BMERB1: variants seen among roughly 807,000 people sequenced by gnomAD.
BMERB1 encodes the protein bMERB domain-containing protein 1.
Under a neutral mutation model 23.6 loss-of-function variants are expected in BMERB1, and 12 were observed. The observed-to-expected ratio is 0.51, with a 90% CI of 0.33 to 0.82. BMERB1 has a LOEUF of 0.82. Ranked by LOEUF, BMERB1 falls within the 40% of genes least tolerant of loss-of-function variation. The pLI is 0.03. For missense variants in BMERB1, 247 were observed against 255.4 expected (o/e 0.97, Z 0.22); for synonymous variants, 122 against 96.6 (o/e 1.26, Z -1.54).
chr16:15,446,088 T>C (rs892572546), intron 1 of BMERB1, among the ~76,000 whole-genome samples: 1 of 152,092 alleles, frequency 6.6e-6, no homozygotes, highest in Admixed American at 6.6e-5. Context: ...ACTCTAACTC[T>C]ACAAAAATAA....
intron 2 of BMERB1, among the ~76,000 whole-genome samples, chr16:15,557,256 A>G (rs1201014820): frequency 2.6e-5 from 4 of 152,164 alleles, no homozygotes; most frequent in Non-Finnish European, 4.4e-5. Context: ...AGGTTCTTGA[A>G]GATAACATCT....
rs768889117 is a variant in BMERB1, at chr16:15,588,116, T to TA, written c.*1293dup. ...AGACCACTCTGATGTTTCGACGTTT[T>TA]AAAAAAGTCTTTTTTTGTGCATTTT... On this transcript the variant is annotated 3_prime_UTR_variant, in exon 6 of 6. Coordinates refer to ENST00000300006, the MANE Select transcript of BMERB1 (RefSeq NM_033201.3). 14 of 152,194 alleles carry TA rather than the reference T, an allele frequency of 9.2e-5. No individual in the cohort carries two copies. Among genetic ancestry groups the TA allele is most frequent in the South Asian group, 2.1e-4 (1 of 4,832 alleles). The allele number at this position is 152,194 out of a possible 1,614,324, so 9.4% of individuals were successfully genotyped here.
At chr16:15,487,801 G>A (rs546696440) in intron 1 of BMERB1, among the ~76,000 whole-genome samples, 37 of 152,332 alleles carry the variant, frequency 2.4e-4, no homozygotes, top group Admixed American at 1.4e-3. Flanking sequence ...TAAGGTAACT[G>A]ACATTGCCAT....
chr16:15,439,710 G>A (rs2050922571), intron 1 of BMERB1, among the ~76,000 whole-genome samples: 1 of 152,158 alleles, frequency 6.6e-6, no homozygotes, highest in African/African-American at 2.4e-5. Flanking sequence ...GCTGGAAAAT[G>A]TATAGTGACA....
intron 1 of BMERB1, among the ~76,000 whole-genome samples, chr16:15,435,230 C>T (rs914308579): frequency 6.6e-6 from 1 of 152,166 alleles, no homozygotes. Context: ...TTTCGGAGCG[C>T]ACCTGAAATT....
At chr16:15,451,677 G>A (rs1228884257) in intron 1 of BMERB1, among the ~76,000 whole-genome samples, 1 of 145,666 alleles carries the variant, frequency 6.9e-6, no homozygotes, top group Non-Finnish European at 1.5e-5. Flanking sequence ...TCCCACCTCA[G>A]TCTCCTGAGA....
chr16:15,568,356 G>A (rs1355115920), intron 3 of BMERB1, among the ~76,000 whole-genome samples: 1 of 152,146 alleles, frequency 6.6e-6, no homozygotes, highest in East Asian at 1.9e-4. Context: ...ATCCTAAAGA[G>A]GCTGGGCACG....
At chr16:15,464,414 G>A (rs536604398) in intron 1 of BMERB1, among the ~76,000 whole-genome samples, 9 of 151,918 alleles carry the variant, frequency 5.9e-5, no homozygotes, top group East Asian at 3.9e-4. Context: ...GTTGAGGCCA[G>A]GAGTTCAAGA....
intron 1 of BMERB1, among the ~76,000 whole-genome samples, chr16:15,484,505 G>A (rs953060650): frequency 6.6e-5 from 10 of 151,946 alleles, no homozygotes; most frequent in East Asian, 1.9e-4. Context: ...GGGTTCAAGC[G>A]ATTCTCCTGC....
chr16:15,520,304 C>G (rs112261628), intron 2 of BMERB1, among the ~76,000 whole-genome samples: 1 of 152,024 alleles, frequency 6.6e-6, no homozygotes, highest in African/African-American at 2.4e-5. Flanking sequence ...TTGCCTTACT[C>G]TTTTACAACG....
intron 1 of BMERB1, among the ~76,000 whole-genome samples, chr16:15,468,826 C>G (rs2051205606): frequency 6.6e-6 from 1 of 152,058 alleles, no homozygotes; most frequent in South Asian, 2.1e-4. Flanking sequence ...ACATTTTACA[C>G]TAAGTCTGTG....
chr16:15,519,087 A>ACACACACGCG (rs1555510668), intron 2 of BMERB1, among the ~76,000 whole-genome samples: 360 of 146,868 alleles, frequency 2.5e-3, no homozygotes, highest in African/African-American at 9.0e-3. Flanking sequence ...ACACACACAC[A>ACACACACGCG]CACACACACA....
chr16:15,495,703 T>A (rs562791126), intron 1 of BMERB1, among the ~76,000 whole-genome samples: 4 of 152,302 alleles, frequency 2.6e-5, no homozygotes, highest in African/African-American at 7.2e-5. Flanking sequence ...CTCATTTCTC[T>A]TCTCTAAGCC....
At chr16:15,546,338 G>A (rs752641986) in intron 2 of BMERB1, among the ~76,000 whole-genome samples, 8 of 152,142 alleles carry the variant, frequency 5.3e-5, no homozygotes, top group Admixed American at 1.3e-4. Flanking sequence ...CATAAACCCC[G>A]TCGTTCTAAG....
At chr16:15,567,358 A>G (rs2030599896) in intron 2 of BMERB1, among the ~76,000 whole-genome samples, 1 of 152,182 alleles carries the variant, frequency 6.6e-6, no homozygotes, top group Non-Finnish European at 1.5e-5. Flanking sequence ...ACTTTAGCTG[A>G]AAAACGAAAC....
At chr16:15,474,011 T>TATAGTCC (rs1481623894) in intron 1 of BMERB1, among the ~76,000 whole-genome samples, 1 of 151,378 alleles carries the variant, frequency 6.6e-6, no homozygotes, top group Non-Finnish European at 1.5e-5. Context: ...TCCCAGCTCC[T>TATAGTCC]CGGGAGGCTG....
At chr16:15,503,350 C>T (rs1315346627) in intron 1 of BMERB1, among the ~76,000 whole-genome samples, 7 of 151,738 alleles carry the variant, frequency 4.6e-5, no homozygotes, top group African/African-American at 4.8e-5. Flanking sequence ...GGCGCGATCT[C>T]GGCTCACTGC....
intron 1 of BMERB1, among the ~76,000 whole-genome samples, chr16:15,471,609 C>G (rs537131512): frequency 1.3e-5 from 2 of 152,198 alleles, no homozygotes; most frequent in South Asian, 2.1e-4. Context: ...CTCTCTCACT[C>G]TCTCTCTCTG....
chr16:15,561,267 T>C (rs2030412823), intron 2 of BMERB1, among the ~76,000 whole-genome samples: 1 of 126,642 alleles, frequency 7.9e-6, no homozygotes, highest in South Asian at 2.7e-4. Flanking sequence ...TTTTTTTTTT[T>C]TTTTTTTTTT....
Sources: gnomAD v4.1 joint callset for allele counts (sites outside exome capture counted in the v4.1 genomes callset) on GRCh38, gnomAD v4.1.1 for gene constraint, MANE v1.5 for transcripts, NCBI Gene and HGNC (gene_info 2026-07-23, HGNC 2026-07-21) for gene names.